The following FARS2 variants were observed in gnomAD, a reference collection of about 807,000 sequenced individuals.
The protein encoded by FARS2 is phenylalanyl-tRNA synthetase 2, mitochondrial, also known as phenylalanine--tRNA ligase, mitochondrial.
FARS2 carries 40 observed loss-of-function variants against 46.4 expected under a neutral mutation model. The ratio of observed to expected loss-of-function variants is 0.86; its 90% CI spans 0.67 to 1.12. The LOEUF (loss-of-function observed/expected upper bound fraction) is 1.12, where lower values mean the gene tolerates loss of function less well. Ranked by LOEUF, FARS2 falls within the 50% of genes most tolerant of loss-of-function variation. The pLI is 0.00. For missense variants in FARS2, 513 were observed against 567.9 expected, an observed-to-expected ratio of 0.90 and a Z score of 0.98; for synonymous variants, 234 against 214.9, an observed-to-expected ratio of 1.09 and a Z score of -0.78.
intron 6 of FARS2, among the ~76,000 whole-genome samples, chr6:5,726,757 C>G (rs1760289720): frequency 6.6e-6 from 1 of 152,116 alleles, no homozygotes; most frequent in Non-Finnish European, 1.5e-5. Flanking sequence ...TCTGCGAACC[C>G]CTCTGCCCTC....
intron 6 of FARS2, among the ~76,000 whole-genome samples, chr6:5,707,912 C>G (rs940799491): frequency 2.0e-5 from 3 of 152,194 alleles, no homozygotes; most frequent in Non-Finnish European, 2.9e-5. Flanking sequence ...GCCGTGGGAG[C>G]CCGGGGAAGA....
rs141662514 is a variant in FARS2, at chr6:5,426,386, G to A, written c.773-4655G>A. On this transcript the variant is annotated intron_variant, in intron 3 of 6. Transcript: ENST00000274680. ...TATTCTGACTTCTAATACTTGACAT[G>A]TGAAATAAGTCACACTCAACATAGT... Among the ~76,000 whole-genome samples the A allele has an allele frequency of 1.1e-3, 163 of 152,172 alleles. 2 individuals are homozygous for A. The highest frequency in any genetic ancestry group is 3.9e-3 in the African/African-American group (160 of 41,504).
At chr6:5,689,291 A>G (rs1454430559) in intron 6 of FARS2, among the ~76,000 whole-genome samples, 4 of 150,692 alleles carry the variant, frequency 2.7e-5, no homozygotes, top group African/African-American at 9.7e-5. Flanking sequence ...TTGTGATGTT[A>G]GGGTGTCAAT....
chr6:5,259,824 T>A (rs1301928219), upstream of FARS2, among the ~76,000 whole-genome samples: 3 of 149,360 alleles, frequency 2.0e-5, no homozygotes, highest in Non-Finnish European at 4.5e-5. Flanking sequence ...AAAAAACAAA[T>A]CTAAAAAAAA....
intron 6 of FARS2, among the ~76,000 whole-genome samples, chr6:5,627,383 A>G (rs1466945533): frequency 1.3e-5 from 2 of 152,262 alleles, no homozygotes; most frequent in Non-Finnish European, 2.9e-5. Context: ...ACTAGTAGTG[A>G]AAATTAAGCA....
At chr6:5,563,536 C>T (rs1772138423) in intron 5 of FARS2, among the ~76,000 whole-genome samples, 1 of 152,170 alleles carries the variant, frequency 6.6e-6, no homozygotes, top group Admixed American at 6.5e-5. Context: ...TGTGGAGATG[C>T]CACACTAACT....
intron 6 of FARS2, among the ~76,000 whole-genome samples, chr6:5,623,606 G>T (rs1252881955): frequency 6.6e-6 from 1 of 152,106 alleles, no homozygotes; most frequent in Non-Finnish European, 1.5e-5. Context: ...CAGCTACTCA[G>T]GAGGCTGAGG....
chr6:5,279,117 C>G lies in FARS2; in HGVS notation c.-22+17457C>G, dbSNP rs543565585. 7.9e-5 allele frequency among the ~76,000 whole-genome samples: 12 copies of G among 152,158 alleles called. No homozygotes were observed. The East Asian group carries it at 2.3e-3, about 29-fold the overall frequency. On this transcript the variant is annotated intron_variant, in intron 1 of 6. Transcript: ENST00000274680. ...TTGAGGCCGGGCACAGTGGCTGATG[C>G]CTGTAACCCCAGCATTTTGGGAGGC...
At chr6:5,561,002 A>G (rs1771949081) in intron 5 of FARS2, among the ~76,000 whole-genome samples, 1 of 152,212 alleles carries the variant, frequency 6.6e-6, no homozygotes, top group African/African-American at 2.4e-5. Context: ...GCACTGGCTC[A>G]TGCCTGTAAT....
the FARS2 span, among the ~76,000 whole-genome samples, chr6:5,252,815 G>A: frequency 6.7e-6 from 1 of 149,826 alleles, no homozygotes; most frequent in African/African-American, 2.5e-5. Context: ...GCAACCATCA[G>A]GCATAAGCAT....
At chr6:5,635,467 A>C (rs989897748) in intron 6 of FARS2, among the ~76,000 whole-genome samples, 1 of 152,360 alleles carries the variant, frequency 6.6e-6, no homozygotes, top group South Asian at 2.1e-4. Context: ...CTGGGAATAA[A>C]AGTTTGGTGG....
intron 2 of FARS2, among the ~76,000 whole-genome samples, chr6:5,384,512 G>A (rs1263588716): frequency 2.6e-5 from 4 of 152,186 alleles, no homozygotes; most frequent in African/African-American, 9.7e-5. Flanking sequence ...GATTTCTATT[G>A]TCCCTGGCCT....
chr6:5,612,374 A>G (rs1424853994), intron 5 of FARS2, among the ~76,000 whole-genome samples: 1 of 152,252 alleles, frequency 6.6e-6, no homozygotes, highest in African/African-American at 2.4e-5. Flanking sequence ...TTATGTAACA[A>G]AACTTTTTTT....
intron 1 of FARS2, among the ~76,000 whole-genome samples, chr6:5,301,999 A>G (rs1198274506): frequency 6.6e-6 from 1 of 152,166 alleles, no homozygotes; most frequent in Admixed American, 6.5e-5. Context: ...GGAGCTCCTT[A>G]TGTTGTTGGT....
At chr6:5,302,472 G>A (rs182908893) in intron 1 of FARS2, among the ~76,000 whole-genome samples, 1 of 152,208 alleles carries the variant, frequency 6.6e-6, no homozygotes, top group Admixed American at 6.5e-5. Flanking sequence ...GCCTTGGGGA[G>A]TTGAAGTTAA....
intron 1 of FARS2, among the ~76,000 whole-genome samples, chr6:5,344,796 T>TC (rs1303826726): frequency 1.3e-5 from 2 of 152,038 alleles, no homozygotes; most frequent in East Asian, 3.9e-4. Context: ...TTTTCTCTTT[T>TC]TTTTTTTTTT....
chr6:5,322,234 C>G (rs1488723621), intron 1 of FARS2, among the ~76,000 whole-genome samples: 5 of 152,158 alleles, frequency 3.3e-5, no homozygotes, highest in Non-Finnish European at 7.3e-5. Context: ...TTTGTTTTGA[C>G]TTAATATTAG....
intron 4 of FARS2, among the ~76,000 whole-genome samples, chr6:5,485,615 C>T (rs939457412): frequency 6.6e-5 from 10 of 152,162 alleles, no homozygotes; most frequent in South Asian, 2.1e-4. Flanking sequence ...CTTTAGGCTT[C>T]GTAGGCTTTA....
intron 6 of FARS2, among the ~76,000 whole-genome samples, chr6:5,706,219 C>A (rs1253894745): frequency 1.3e-5 from 2 of 152,170 alleles, no homozygotes; most frequent in African/African-American, 2.4e-5. Flanking sequence ...TGACAACAGG[C>A]AGAACTCAGG....
Sources: allele counts gnomAD v4.1 joint callset (sites outside exome capture counted in the v4.1 genomes callset), GRCh38; gene constraint gnomAD v4.1.1; transcripts MANE v1.5; gene names NCBI Gene and HGNC (gene_info 2026-07-23, HGNC 2026-07-21).